Variants in LRP12 observed in about 807,000 individuals in gnomAD.
The protein encoded by LRP12 is LDL receptor related protein 12.
Under a neutral mutation model 66.0 loss-of-function variants are expected in LRP12, and 14 were observed. That is an observed-to-expected ratio of 0.21 (90% confidence interval 0.14 to 0.33). The LOEUF (loss-of-function observed/expected upper bound fraction) is 0.33. LRP12 is among the 10% of genes least tolerant of loss of function. The probability of loss-of-function intolerance (pLI) is 1.00; values close to 1 mark genes in which losing one functional copy is unlikely to be tolerated. For synonymous variants in LRP12, 357 were observed against 359.1 expected (o/e 0.99, Z 0.07); for missense variants, 889 against 1,053.4 (o/e 0.84, Z 2.16).
At chr8:104,572,431 A>G (rs1439769326) in intron 1 of LRP12, among the ~76,000 whole-genome samples, 1 of 152,236 alleles carries the variant, frequency 6.6e-6, no homozygotes, top group Non-Finnish European at 1.5e-5. Flanking sequence ...AAATTTAAAA[A>G]TAAACAACCA....
At chr8:104,492,094 T>G (rs1461780595) in intron 6 of LRP12, among the ~76,000 whole-genome samples, 1 of 152,072 alleles carries the variant, frequency 6.6e-6, no homozygotes, top group Non-Finnish European at 1.5e-5. Flanking sequence ...TACTGAGGAT[T>G]TAATTATATT....
intron 1 of LRP12, among the ~76,000 whole-genome samples, chr8:104,559,451 G>A (rs537326899): frequency 3.2e-4 from 43 of 132,458 alleles, no homozygotes; most frequent in Non-Finnish European, 4.9e-4. Flanking sequence ...TTGGGGACTC[G>A]GGGGAAAAGA....
chr8:104,587,850 G>C (rs1408120121), intron 1 of LRP12, among the ~76,000 whole-genome samples: 1 of 152,174 alleles, frequency 6.6e-6, no homozygotes, highest in East Asian at 1.9e-4. Flanking sequence ...AGAAATCAGA[G>C]CAACACTCCA....
At chr8:104,539,992 T>C (rs1811451054) in intron 1 of LRP12, among the ~76,000 whole-genome samples, 1 of 152,188 alleles carries the variant, frequency 6.6e-6, no homozygotes, top group Non-Finnish European at 1.5e-5. Context: ...TTTGCTTGTG[T>C]TACATGTCGG....
At chr8:104,510,400 G>A (rs1312016653) in intron 2 of LRP12, among the ~76,000 whole-genome samples, 2 of 152,164 alleles carry the variant, frequency 1.3e-5, no homozygotes, top group Admixed American at 6.5e-5. Context: ...CATGTGATTA[G>A]ACATCTGCAT....
At chr8:104,549,317 C>G (rs1320041947) in intron 1 of LRP12, among the ~76,000 whole-genome samples, 1 of 151,822 alleles carries the variant, frequency 6.6e-6, no homozygotes, top group African/African-American at 2.4e-5. Context: ...TTACCCCTAG[C>G]ACATCTGAAG....
At chr8:104,535,334 G>C (rs1035410654) in intron 1 of LRP12, among the ~76,000 whole-genome samples, 2 of 151,914 alleles carry the variant, frequency 1.3e-5, no homozygotes, top group Non-Finnish European at 2.9e-5. Flanking sequence ...TTAAGTTCTA[G>C]AGTCAGACTC....
intron 4 of LRP12, 116 bp from the exon 5 acceptor site, chr8:104,498,192 A>T (rs935770976): frequency 1.0e-5 from 11 of 1,053,584 alleles, no homozygotes; most frequent in African/African-American, 6.5e-5. Flanking sequence ...CCCAAGTGCT[A>T]GAAGTTTTAA....
rs1812376078 is a variant in LRP12, at chr8:104,588,676, A to T, written c.79+143T>A. The stretch of plus-strand genomic sequence containing the variant: ...CGTGTGGGGACACCCGTTCCGCCAC[A>T]TCCACCCCCTCACCGGTCTTTGTCC... On this transcript the variant is annotated intron_variant, in intron 1 of 6. Transcript: ENST00000276654. 1.2e-5 allele frequency: 7 copies of T among 596,478 alleles called. No homozygotes were observed. In the Admixed American group the frequency reaches 1.9e-4, roughly 16 times the overall value. The allele number at this position is 596,478 out of a possible 1,614,324, so 36.9% of individuals were successfully genotyped here.
intron 1 of LRP12, among the ~76,000 whole-genome samples, chr8:104,581,987 C>T (rs913223129): frequency 2.6e-5 from 4 of 152,120 alleles, no homozygotes; most frequent in Non-Finnish European, 5.9e-5. Context: ...AAAGATTATT[C>T]TTATGTTTTC....
rs1259935154 is a variant in LRP12 at position 104,548,450 on chromosome 8, A to G, written c.80-16487T>C. 8.4e-5 allele frequency among the ~76,000 whole-genome samples: 10 copies of G among 118,526 alleles called. No individual in the cohort carries two copies. The Admixed American group carries it at 1.0e-3, about 12-fold the overall frequency. 77.8% of individuals were successfully genotyped at this position (118,526 alleles called of 152,430 possible). A position where few individuals can be genotyped will look rare whatever the true frequency, so the allele number is the denominator to read the frequency against. ...AAAATATATAATTCTATATTATATT[A>G]TATTTTGTATCTAATATATAATTCT... On this transcript the variant is annotated intron_variant, in intron 1 of 6. Transcript: ENST00000276654.
chr8:104,582,565 T>C (rs2140901837), intron 1 of LRP12, among the ~76,000 whole-genome samples: 1 of 152,294 alleles, frequency 6.6e-6, no homozygotes, highest in Non-Finnish European at 1.5e-5. Flanking sequence ...ACCCTTTGCT[T>C]CTTGCCTGAA....
At chr8:104,547,078 C>A (rs1432397312) in intron 1 of LRP12, among the ~76,000 whole-genome samples, 1 of 143,916 alleles carries the variant, frequency 6.9e-6, no homozygotes, top group Non-Finnish European at 1.5e-5. Context: ...ATACAATATA[C>A]AATTCTATAT....
rs1034108437 is a variant in LRP12, at chr8:104,519,042, T to A, written c.137-9968A>T. Among the ~76,000 whole-genome samples the A allele has an allele frequency of 2.0e-5, 3 of 152,080 alleles. No individual in the cohort carries two copies. The South Asian group carries it at 6.2e-4, about 31-fold the overall frequency. ...ATAGTTGCCCTTTGTTGGACTGCCA[T>A]GTATAACATAACTAAGCCCTGTAAC... On this transcript the variant is annotated intron_variant, in intron 2 of 6. Transcript: ENST00000276654.
chr8:104,535,135 C>T (rs186179402), intron 1 of LRP12, among the ~76,000 whole-genome samples: 6 of 151,532 alleles, frequency 4.0e-5, no homozygotes, highest in South Asian at 2.1e-4. Context: ...TTTTCACGTA[C>T]GAAAAAGTTT....
rs1401087839 is a variant in LRP12, at chr8:104,497,527, G to GT, written c.1024dup (p.Thr342AsnfsTer16). ...TATCTGTCCAGAAGAAGAAACAACTGTAAGAGGTGCATGAGAATCAAAAGC... is the reference window on the plus strand; with the variant it reads ...TATCTGTCCAGAAGAAGAAACAACTGTTAAGAGGTGCATGAGAATCAAAAGC... On this transcript the variant is annotated frameshift_variant, in exon 5 of 7. Transcript: ENST00000276654. LOFTEE classifies it high-confidence loss of function. The surrounding 1 kb of genome is among the most constrained non-coding windows in gnomAD (Gnocchi z 4.3). The GT allele has an allele frequency of 1.2e-6, 2 of 1,613,904 alleles. No individual in the cohort carries two copies. The highest frequency in any genetic ancestry group is 1.7e-6 in the Non-Finnish European group (2 of 1,179,974).
intron 3 of LRP12, among the ~76,000 whole-genome samples, chr8:104,500,798 T>C (rs1169628089): frequency 4.6e-5 from 7 of 151,170 alleles, no homozygotes; most frequent in African/African-American, 1.7e-4. Flanking sequence ...GGACAAACTA[T>C]TCTAGAACTA....
intron 6 of LRP12, among the ~76,000 whole-genome samples, chr8:104,493,716 A>G (rs938750996): frequency 2.6e-5 from 4 of 152,208 alleles, no homozygotes; most frequent in African/African-American, 9.6e-5. Flanking sequence ...CCTATGTGCT[A>G]GTGCACCAGT....
intron 1 of LRP12, among the ~76,000 whole-genome samples, chr8:104,561,395 T>C (rs567545648): frequency 1.2e-4 from 18 of 152,308 alleles, no homozygotes; most frequent in Non-Finnish European, 2.4e-4. Flanking sequence ...GATTCCTCCA[T>C]TGAGAAGTTC....
Sources: allele counts gnomAD v4.1 joint callset (sites outside exome capture counted in the v4.1 genomes callset), GRCh38; gene constraint gnomAD v4.1.1; non-coding constraint Gnocchi (gnomAD v3.1); transcripts MANE v1.5; gene names NCBI Gene and HGNC (gene_info 2026-07-23, HGNC 2026-07-21).